Variants in DDX59 observed in about 807,000 individuals in gnomAD.
The protein encoded by DDX59 is DEAD-box helicase 59, also known as probable ATP-dependent RNA helicase DDX59.
DDX59 carries 30 observed loss-of-function variants against 51.9 expected under a neutral mutation model. The ratio of observed to expected loss-of-function variants is 0.58; its 90% CI spans 0.43 to 0.78. The LOEUF (loss-of-function observed/expected upper bound fraction) is 0.78, where lower values mean the gene tolerates loss of function less well. DDX59 is among the 30% of genes least tolerant of loss of function. DDX59 has a pLI of 0.00. For synonymous variants in DDX59, 255 were observed against 253.3 expected (o/e 1.01, Z -0.06); for missense variants, 672 against 730.8 (o/e 0.92, Z 0.93).
intron 4 of DDX59, among the ~76,000 whole-genome samples, chr1:200,658,125 A>T (rs1218727665): frequency 1.3e-5 from 2 of 152,158 alleles, no homozygotes; most frequent in East Asian, 1.9e-4. Flanking sequence ...ACCCAGCACC[A>T]CGCATTTGTG....
In DDX59 at chr1:200,648,633, T is replaced by C. The variant is rs1416333071; in HGVS notation, c.1468-66A>G. 4 of 1,511,332 alleles carry C rather than the reference T, an allele frequency of 2.6e-6. No individual in the cohort carries two copies. The African/African-American group carries it at 4.2e-5, about 16-fold the overall frequency. 93.6% of individuals were successfully genotyped at this position (1,511,332 alleles called of 1,614,324 possible). On this transcript the variant is annotated intron_variant, in intron 6 of 7. Coordinates refer to ENST00000331314, the MANE Select transcript of DDX59 (RefSeq NM_001031725.6). ...TTTGTGTGGTTTTGTGTAATTCTGA[T>C]AGCTTTTCTTTTTATAATGCTTACT...
chr1:200,649,843 CTTTT>C (rs777404977), intron 5 of DDX59, among the ~76,000 whole-genome samples: 1 of 140,000 alleles, frequency 7.1e-6, no homozygotes, highest in Non-Finnish European at 1.6e-5. Flanking sequence ...TAACTTAATA[CTTTT>C]TTTTTTTTTT....
intron 4 of DDX59, 129 bp from the exon 5 acceptor site, chr1:200,650,805 A>G: frequency 1.3e-6 from 1 of 777,120 alleles, no homozygotes; most frequent in South Asian, 2.7e-5. Context: ...CCACAATGTC[A>G]AGAGAACTGG....
At chr1:200,653,831 G>C (rs551547316) in intron 4 of DDX59, among the ~76,000 whole-genome samples, 1 of 152,144 alleles carries the variant, frequency 6.6e-6, no homozygotes, top group African/African-American at 2.4e-5. Flanking sequence ...TCATATCTTA[G>C]CATAAATGTC....
chr1:200,660,466 G>A (rs1265873870), intron 3 of DDX59, among the ~76,000 whole-genome samples: 2 of 152,178 alleles, frequency 1.3e-5, no homozygotes, highest in Non-Finnish European at 2.9e-5. Flanking sequence ...TGCATGGGGT[G>A]CTGCAGCCTG....
chr1:200,669,588 G>T (rs565166012), intron 1 of DDX59, 179 bp downstream of exon 1: 23 of 152,478 alleles, frequency 1.5e-4, no homozygotes, highest in Admixed American at 4.6e-4. Flanking sequence ...TCACGTCACG[G>T]AGCTGCTAGG....
At chr1:200,644,825 G>A (rs1364782687) in intron 7 of DDX59, among the ~76,000 whole-genome samples, 1 of 149,718 alleles carries the variant, frequency 6.7e-6, no homozygotes, top group Non-Finnish European at 1.5e-5. Flanking sequence ...GAACCCAGGA[G>A]GCGGAGCTTG....
At chr1:200,648,962 G>C (rs1661471048) in intron 6 of DDX59, 112 bp downstream of exon 6, 3 of 1,101,618 alleles carry the variant, frequency 2.7e-6, no homozygotes, top group Non-Finnish European at 2.5e-6. Context: ...TGATGGTCTT[G>C]TAGTCATTAA....
intron 4 of DDX59, among the ~76,000 whole-genome samples, chr1:200,652,869 G>A (rs925153492): frequency 7.9e-5 from 12 of 151,786 alleles, no homozygotes; most frequent in Non-Finnish European, 1.8e-4. Context: ...TTTTTTTGCA[G>A]AGACTGGGTT....
chr1:200,641,265 AG>A, downstream of DDX59: 1 of 1,294,006 alleles, frequency 7.7e-7, no homozygotes, highest in Non-Finnish European at 1.0e-6. Flanking sequence ...AGCTGCCAGA[AG>A]AAAATAGTGT....
intron 4 of DDX59, 82 bp downstream of exon 4, chr1:200,658,945 G>A (rs1051782169): frequency 3.3e-6 from 4 of 1,204,980 alleles, no homozygotes; most frequent in East Asian, 2.4e-5. Context: ...AAAAGGTACT[G>A]AACATACAAT....
Position 200,646,316 on chromosome 1 carries a change from A to C in DDX59, c.1597-1799T>G, listed in dbSNP as rs1661290457. Among the ~76,000 whole-genome samples the C allele has an allele frequency of 2.0e-5, 3 of 152,306 alleles. No homozygotes were observed. The South Asian group carries it at 6.2e-4, about 32-fold the overall frequency. ...GCCACTGTACTCCAGCCCGGGCAAC[A>C]GAAGGAGACCCCGTCTCTTAAAAAA... On this transcript the variant is annotated intron_variant, in intron 7 of 7. Transcript: ENST00000331314.
At chr1:200,668,306 T>C (rs1320751854) in intron 1 of DDX59, among the ~76,000 whole-genome samples, 2 of 104,750 alleles carry the variant, frequency 1.9e-5, no homozygotes. Context: ...AGACTCCGTC[T>C]CAAAAAAAAA....
At chr1:200,642,036 T>A (rs1571599031), downstream of DDX59, among the ~76,000 whole-genome samples, 1 of 151,998 alleles carries the variant, frequency 6.6e-6, no homozygotes, top group Non-Finnish European at 1.5e-5. Flanking sequence ...AAAATAAAAA[T>A]GTGCTTGGTA....
chr1:200,652,218 T>C (rs2102865946), intron 4 of DDX59, among the ~76,000 whole-genome samples: 1 of 152,000 alleles, frequency 6.6e-6, no homozygotes, highest in African/African-American at 2.4e-5. Context: ...AGTGGCATGA[T>C]TCTAGCTTGC....
intron 7 of DDX59, among the ~76,000 whole-genome samples, chr1:200,646,361 A>C (rs933224013): frequency 2.6e-5 from 4 of 152,098 alleles, no homozygotes; most frequent in Non-Finnish European, 4.4e-5. Flanking sequence ...CAAAAAAAAA[A>C]CTTGCAAATC....
intron 7 of DDX59, among the ~76,000 whole-genome samples, chr1:200,647,742 C>T (rs1219845960): frequency 2.0e-5 from 3 of 151,282 alleles, no homozygotes; most frequent in African/African-American, 4.8e-5. Flanking sequence ...GAGGCCAAGG[C>T]GGGAGGATCA....
intron 2 of DDX59, among the ~76,000 whole-genome samples, chr1:200,665,665 A>C (rs1268214606): frequency 1.3e-5 from 2 of 152,172 alleles, no homozygotes; most frequent in Non-Finnish European, 2.9e-5. Flanking sequence ...CTGTTAATAG[A>C]AAAACTGTTA....
At chr1:200,658,261 C>T (rs528811559) in intron 4 of DDX59, among the ~76,000 whole-genome samples, 1 of 152,276 alleles carries the variant, frequency 6.6e-6, no homozygotes, top group African/African-American at 2.4e-5. Context: ...CCTATGTTCC[C>T]ATGGCAGAAT....
Sources: allele counts gnomAD v4.1 joint callset (sites outside exome capture counted in the v4.1 genomes callset), GRCh38; gene constraint gnomAD v4.1.1; transcripts MANE v1.5; gene names NCBI Gene and HGNC (gene_info 2026-07-23, HGNC 2026-07-21).